The following RGS12 variants were observed in gnomAD, a reference collection of about 807,000 sequenced individuals.
RGS12 encodes regulator of G protein signaling 12.
A neutral mutation model predicts 120.1 loss-of-function variants in RGS12; 66 were observed. The ratio of observed to expected loss-of-function variants is 0.55; its 90% CI spans 0.45 to 0.67. RGS12 has a LOEUF of 0.67. Ranked by LOEUF, RGS12 falls within the 30% of genes least tolerant of loss-of-function variation. The pLI is 0.00. For missense variants in RGS12, 1,859 were observed against 1,957.7 expected, an observed-to-expected ratio of 0.95 and a Z score of 0.95; for synonymous variants, 827 against 804.7, an observed-to-expected ratio of 1.03 and a Z score of -0.47.
chr4:3,402,628 T>C (rs780562079), intron 4 of RGS12, among the ~76,000 whole-genome samples: 23 of 142,658 alleles, frequency 1.6e-4, no homozygotes, highest in Non-Finnish European at 2.6e-4. Context: ...GGCTTCTGCA[T>C]TGGGTGGCGT....
chr4:3,343,801 G>A (rs909779871), intron 3 of RGS12, among the ~76,000 whole-genome samples: 1 of 151,982 alleles, frequency 6.6e-6, no homozygotes, highest in African/African-American at 2.4e-5. Flanking sequence ...TCCTTTGACT[G>A]TCTCATTTGG....
chr4:3,375,351 C>T (rs1211713175), intron 3 of RGS12, among the ~76,000 whole-genome samples: 2 of 110,836 alleles, frequency 1.8e-5, no homozygotes, highest in Middle Eastern at 4.3e-3. Context: ...TCATCTCCAG[C>T]CTCATCTCCA....
chr4:3,392,600 G>A (rs1408863952), intron 4 of RGS12, among the ~76,000 whole-genome samples: 1 of 152,172 alleles, frequency 6.6e-6, no homozygotes, highest in Non-Finnish European at 1.5e-5. Context: ...CTGCCGATCA[G>A]CCTGTCATCT....
chr4:3,292,361 T>C (rs1335796922), upstream of RGS12, among the ~76,000 whole-genome samples: 1 of 152,142 alleles, frequency 6.6e-6, no homozygotes, highest in Admixed American at 6.5e-5. Context: ...GCAGACCCGC[T>C]GGACGCCGCA....
chr4:3,376,247 AACACACACACACACACACACAC>A (rs55666879), intron 3 of RGS12, among the ~76,000 whole-genome samples: 5 of 143,492 alleles, frequency 3.5e-5, no homozygotes, highest in Non-Finnish European at 6.1e-5. Context: ...AGCTCCTTGG[AACACACACACACACACACACAC>A]ACACACACAC....
intron 1 of RGS12, among the ~76,000 whole-genome samples, chr4:3,304,786 G>T (rs1401471861): frequency 1.3e-5 from 2 of 152,194 alleles, no homozygotes; most frequent in African/African-American, 4.8e-5. Context: ...GCACCATTTT[G>T]TGCTTATAGC....
At chr4:3,353,919 C>T (rs1006977109) in intron 3 of RGS12, among the ~76,000 whole-genome samples, 1 of 152,154 alleles carries the variant, frequency 6.6e-6, no homozygotes, top group African/African-American at 2.4e-5. Flanking sequence ...CTTTCCTTAA[C>T]ACACTACTTC....
rs993433406 is a variant in RGS12 at position 3,414,390 on chromosome 4, C to T, written c.2190+149C>T. ...GGTCTCCCCTCCCTGGACCGCCACC[C>T]TCTCAAGAGCTCAGAGGAGGGTGGG... is the stretch of plus-strand genomic sequence containing the variant. On this transcript the variant is annotated intron_variant, in intron 5 of 17. Coordinates refer to ENST00000336727, the MANE Select transcript of RGS12 (RefSeq NM_001394154.1). 4.6e-6 allele frequency: 4 copies of T among 860,970 alleles called. No individual in the cohort carries two copies. The South Asian group carries it at 7.4e-5, about 16-fold the overall frequency. The allele number at this position is 860,970 out of a possible 1,614,324, so 53.3% of individuals were successfully genotyped here.
chr4:3,428,079 CT>C lies in RGS12; in HGVS notation c.3332-9del, dbSNP rs1723850052. 8.1e-6 allele frequency: 13 copies of C among 1,611,892 alleles called. No homozygotes were observed. The highest frequency in any genetic ancestry group is 1.1e-5 in the Non-Finnish European group (13 of 1,178,376). ...CGAGTCCCTGAAGTCATAAAGCTTT[CT>C]TATGTTTAGCATCCGCAGATAAACA... On this transcript the variant is annotated splice_polypyrimidine_tract_variant and intron_variant, in intron 14 of 17. Transcript: ENST00000336727.
upstream of RGS12, among the ~76,000 whole-genome samples, chr4:3,292,137 G>A (rs1723056204): frequency 6.6e-6 from 1 of 152,218 alleles, no homozygotes; most frequent in African/African-American, 2.4e-5. Flanking sequence ...AAAACGCGGC[G>A]GGAGAGAATG....
chr4:3,316,288 G>T lies in RGS12; in HGVS notation c.118G>T (p.Ala40Ser). The T allele has an allele frequency of 6.2e-7, 1 of 1,614,054 alleles. No individual in the cohort carries two copies. The highest frequency in any genetic ancestry group is 1.1e-5 in the South Asian group (1 of 91,084). ...CTACGGATTCACGCTTTCGGGACAG[G>T]CACCCTGTGTGCTCAGCTGCGTCAT... Reference protein sequence around the residue: ...AGYGFTLSGQAPCVLSCVMRG... With the variant: ...AGYGFTLSGQSPCVLSCVMRG... Residue 40 changes from alanine (A) to serine (S), a missense_variant, in exon 2 of 18, where the codon GCA becomes TCA. Physicochemically the swap from Ala to Ser is moderately conservative, Grantham distance 99. Transcript: ENST00000336727.
chr4:3,425,472 G>T lies in RGS12; in HGVS notation c.3243G>T (p.Glu1081Asp). The T allele has an allele frequency of 6.2e-7, 1 of 1,612,318 alleles. No homozygotes were observed. Among genetic ancestry groups the T allele is most frequent in the Non-Finnish European group, 8.5e-7 (1 of 1,179,706 alleles). ...LSGLLVRLSGEKEPLDLGAPI... is the reference protein window; with the variant it reads ...LSGLLVRLSGDKEPLDLGAPI... ...GCTGATCTCTGCCCTAGAGTGGAGA[G>T]AAGGAGCCCCTGGACCTTGGCGCCC... Residue 1081 changes from glutamate (E) to aspartate (D), a missense_variant, in exon 14 of 18, where the codon GAG becomes GAT. This residue lies in a region of RGS12 where 517 missense variants were observed against 488.5 expected (regional missense o/e 1.06). Coordinates refer to ENST00000336727, the MANE Select transcript of RGS12 (RefSeq NM_001394154.1).
At chr4:3,438,040 C>A (rs750541723) in intron 17 of RGS12, among the ~76,000 whole-genome samples, 1 of 152,138 alleles carries the variant, frequency 6.6e-6, no homozygotes, top group Non-Finnish European at 1.5e-5. Flanking sequence ...AACTGTAGAT[C>A]GAGGAGGGTC....
chr4:3,371,230 G>C (rs547722345), intron 3 of RGS12, among the ~76,000 whole-genome samples: 8 of 152,214 alleles, frequency 5.3e-5, no homozygotes, highest in Non-Finnish European at 1.0e-4. Context: ...AGGTGAAGCT[G>C]CGTGAGGCTC....
At chr4:3,367,975 G>A (rs1311744610) in intron 3 of RGS12, among the ~76,000 whole-genome samples, 1 of 152,232 alleles carries the variant, frequency 6.6e-6, no homozygotes, top group Non-Finnish European at 1.5e-5. Context: ...CGTCCTCGAT[G>A]GAACACAATG....
intron 1 of RGS12, among the ~76,000 whole-genome samples, chr4:3,311,714 A>G (rs1044145278): frequency 6.6e-6 from 1 of 152,196 alleles, no homozygotes; most frequent in Non-Finnish European, 1.5e-5. Context: ...TGTATATGAA[A>G]CATAAATGAA....
At chr4:3,393,554 G>A (rs1719724723) in intron 4 of RGS12, among the ~76,000 whole-genome samples, 1 of 152,190 alleles carries the variant, frequency 6.6e-6, no homozygotes, top group East Asian at 1.9e-4. Context: ...ACAGCTCTGG[G>A]TGGTCACAGG....
chr4:3,404,350 G>T (rs540990221), intron 4 of RGS12, among the ~76,000 whole-genome samples: 17 of 152,236 alleles, frequency 1.1e-4, no homozygotes, highest in Admixed American at 2.6e-4. Context: ...TGACTGCATG[G>T]TAGGTATTCA....
intron 17 of RGS12, among the ~76,000 whole-genome samples, chr4:3,436,510 G>A (rs1724818202): frequency 1.3e-5 from 2 of 152,170 alleles, no homozygotes; most frequent in African/African-American, 4.8e-5. Flanking sequence ...CAGGAAGGGC[G>A]GGCAGTGGGA....
Sources: allele counts gnomAD v4.1 joint callset (sites outside exome capture counted in the v4.1 genomes callset), GRCh38; gene constraint gnomAD v4.1.1; regional missense constraint gnomAD v4.1.1; transcripts MANE v1.5; gene names NCBI Gene and HGNC (gene_info 2026-07-23, HGNC 2026-07-21).